Variants in ANKRD30B observed in about 807,000 individuals in gnomAD.
ANKRD30B encodes ankyrin repeat domain-containing protein 30B.
ANKRD30B carries 144 observed loss-of-function variants against 202.2 expected under a neutral mutation model. The ratio of observed to expected loss-of-function variants is 0.71; its 90% CI spans 0.62 to 0.82. The LOEUF (loss-of-function observed/expected upper bound fraction) is 0.82. Among genes scored for constraint, ANKRD30B ranks in the 40% least tolerant of loss-of-function variants. The pLI is 0.00. For missense variants in ANKRD30B, 1,487 were observed against 1,669.1 expected (o/e 0.89, Z 1.90); for synonymous variants, 508 against 561.3 (o/e 0.91, Z 1.34).
At chr18:14,902,257 A>G in the ANKRD30B span, among the ~76,000 whole-genome samples, 1 of 152,148 alleles carries the variant, frequency 6.6e-6, no homozygotes, top group African/African-American at 2.4e-5. Flanking sequence ...AAGCCAAACC[A>G]TATTACAAGG....
At chr18:14,920,265 T>C in the ANKRD30B span, among the ~76,000 whole-genome samples, 1 of 152,254 alleles carries the variant, frequency 6.6e-6, no homozygotes, top group South Asian at 2.1e-4. Context: ...CACTGAAACT[T>C]GTACATCTAA....
At chr18:14,894,515 C>T in the ANKRD30B span, among the ~76,000 whole-genome samples, 2 of 151,822 alleles carry the variant, frequency 1.3e-5, no homozygotes, top group Non-Finnish European at 1.5e-5. Flanking sequence ...ATTAATATGG[C>T]TGTGCTAGCA....
At chr18:14,856,464 C>T (rs1387792649), downstream of ANKRD30B, among the ~76,000 whole-genome samples, 7 of 144,860 alleles carry the variant, frequency 4.8e-5, 1 homozygote, top group East Asian at 4.1e-4. Context: ...ACCGGGCGGC[C>T]GGCCAGAGGA....
rs1170605853 is a variant in ANKRD30B at position 14,853,829 on chromosome 18, A to G, written c.4497A>G (p.Gln1499=). Residue 1499 remains glutamine (Q), a synonymous_variant, in exon 43 of 44, where the codon CAA becomes CAG. Transcript: ENST00000690538. ...TTCAGGTCATTGTGAGACAACTTCA[A>G]AAAAAATTGGCGGATCTTAATAAAC... The part of the protein sequence containing the change: ...AEREVIVRQL[Q]KKLADLNKQC... Among the ~76,000 whole-genome samples, 1 of 152,106 alleles carries G rather than the reference A, an allele frequency of 6.6e-6. No homozygotes were observed. The highest frequency in any genetic ancestry group is 2.4e-5 in the African/African-American group (1 of 41,446).
At chr18:14,878,543 C>T in the ANKRD30B span, among the ~76,000 whole-genome samples, 1 of 151,848 alleles carries the variant, frequency 6.6e-6, no homozygotes, top group African/African-American at 2.4e-5. Context: ...CTGCAAACTC[C>T]ATCATCCGAA....
the ANKRD30B span, among the ~76,000 whole-genome samples, chr18:14,889,815 C>A: frequency 6.6e-6 from 1 of 151,248 alleles, no homozygotes; most frequent in African/African-American, 2.4e-5. Context: ...GCCATTTGTC[C>A]AAAGTCACAC....
At chr18:14,875,208 C>T in the ANKRD30B span, among the ~76,000 whole-genome samples, 103 of 152,292 alleles carry the variant, frequency 6.8e-4, no homozygotes, top group Admixed American at 1.2e-3. Context: ...CCAAGCAGAG[C>T]TAAGCGATTT....
chr18:14,883,389 C>A, the ANKRD30B span: 8 of 96,346 alleles, frequency 8.3e-5, no homozygotes, highest in Non-Finnish European at 1.2e-4. Context: ...CTCTCTCTCT[C>A]TCTCTCTCTC....
the ANKRD30B span, among the ~76,000 whole-genome samples, chr18:14,893,316 A>C: frequency 6.6e-6 from 1 of 152,170 alleles, no homozygotes; most frequent in East Asian, 1.9e-4. Flanking sequence ...TATTTATAGA[A>C]GTGTTAACTA....
chr18:14,810,565 G>T (rs1476868704), intron 28 of ANKRD30B, among the ~76,000 whole-genome samples: 1 of 151,110 alleles, frequency 6.6e-6, no homozygotes, highest in African/African-American at 2.4e-5. Flanking sequence ...CGTGACAGTT[G>T]TGAGTGTTGT....
At chr18:14,932,962 A>G in the ANKRD30B span, among the ~76,000 whole-genome samples, 1 of 152,234 alleles carries the variant, frequency 6.6e-6, no homozygotes, top group Non-Finnish European at 1.5e-5. Context: ...ACCATGAAAT[A>G]TATCTTCATT....
rs146007968 is a variant in ANKRD30B at position 14,770,742 on chromosome 18, C to T, written c.1256+1369C>T. The stretch of plus-strand genomic sequence containing the variant: ...AGCATACTAAAATAGGGTTCAAAGA[C>T]GTCCTGAATAGGTCACTGCTTTTTT... On this transcript the variant is annotated intron_variant, in intron 8 of 43. Transcript: ENST00000690538. 1.0e-3 allele frequency among the ~76,000 whole-genome samples: 157 copies of T among 151,918 alleles called. No homozygotes were observed. The Middle Eastern group carries it at 0.027, about 26-fold the overall frequency.
chr18:14,748,773 G>T (rs974376839), intron 1 of ANKRD30B, 133 bp downstream of exon 1: 2 of 986,676 alleles, frequency 2.0e-6, no homozygotes, highest in Non-Finnish European at 1.4e-6. Flanking sequence ...TGGGGCGGCC[G>T]TCCTGGGCCC....
intron 33 of ANKRD30B, among the ~76,000 whole-genome samples, chr18:14,830,894 A>C (rs2143082790): frequency 6.6e-6 from 1 of 152,300 alleles, no homozygotes; most frequent in South Asian, 2.1e-4. Flanking sequence ...TTTTTTAAAA[A>C]CAGAGGGGCC....
At chr18:14,756,923 CAG>C (rs1357968324) in intron 4 of ANKRD30B, among the ~76,000 whole-genome samples, 5 of 152,066 alleles carry the variant, frequency 3.3e-5, no homozygotes, top group African/African-American at 1.2e-4. Context: ...TAAATAGAAA[CAG>C]GAGTTTAAAA....
chr18:14,796,412 G>C lies in ANKRD30B; in HGVS notation c.1924G>C (p.Ala642Pro). The C allele has an allele frequency of 6.5e-7, 1 of 1,546,576 alleles. No individual in the cohort carries two copies. ...ATTAAAGGACAGAGAAACATTCAAA[G>C]CAGGTAAATTTTGTAATTTAACTTT... ...LELKDRETFK[A>P]ESPDKDGLLK... Residue 642 changes from alanine (A) to proline (P), a missense_variant, in exon 18 of 44, where the codon GCA (alanine) becomes CCA (proline). Coordinates refer to ENST00000690538, the MANE Select transcript of ANKRD30B (RefSeq NM_001367607.2).
intron 8 of ANKRD30B, 34 bp downstream of exon 8, chr18:14,769,407 T>G (rs1729096416): frequency 6.6e-7 from 1 of 1,522,440 alleles, no homozygotes; most frequent in Non-Finnish European, 8.9e-7. Context: ...ACGAATAGGT[T>G]AACTCAGAAA....
At chr18:14,823,549 G>T (rs1447989326) in intron 32 of ANKRD30B, among the ~76,000 whole-genome samples, 1 of 151,924 alleles carries the variant, frequency 6.6e-6, no homozygotes, top group Non-Finnish European at 1.5e-5. Flanking sequence ...CTCTTTGCTA[G>T]ACACGGTGTT....
chr18:14,756,148 T>C (rs1914322356), intron 4 of ANKRD30B, among the ~76,000 whole-genome samples: 1 of 152,258 alleles, frequency 6.6e-6, no homozygotes, highest in Non-Finnish European at 1.5e-5. Flanking sequence ...ATTTCTCTGA[T>C]GGCCAGTGAT....
Sources: allele counts gnomAD v4.1 joint callset (sites outside exome capture counted in the v4.1 genomes callset), GRCh38; gene constraint gnomAD v4.1.1; transcripts MANE v1.5; gene names NCBI Gene and HGNC (gene_info 2026-07-23, HGNC 2026-07-21).